CDH12: variants seen among roughly 807,000 people sequenced by gnomAD.
CDH12 encodes the protein cadherin 12, also known as cadherin-12.
In CDH12, 41 loss-of-function variants were observed where a neutral mutation model predicts 74.1. That is an observed-to-expected ratio of 0.55 (90% CI 0.43 to 0.72). The LOEUF (loss-of-function observed/expected upper bound fraction) is 0.72. CDH12 is among the 30% of genes least tolerant of loss of function. The pLI is 0.00. For missense variants in CDH12, 945 were observed against 977.2 expected (o/e 0.97, Z 0.44); for synonymous variants, 399 against 355.0 (o/e 1.12, Z -1.39).
At chr5:22,203,555 T>C (rs1431752405) in intron 4 of CDH12, among the ~76,000 whole-genome samples, 2 of 152,236 alleles carry the variant, frequency 1.3e-5, no homozygotes, top group African/African-American at 4.8e-5. Context: ...GCAATAAATA[T>C]GGGAGTGCAG....
intron 1 of CDH12, among the ~76,000 whole-genome samples, chr5:22,521,282 A>G (rs1737045629): frequency 6.6e-6 from 1 of 151,932 alleles, no homozygotes; most frequent in South Asian, 2.1e-4. Context: ...TTAGTAATAT[A>G]TATGAATTGC....
intron 4 of CDH12, among the ~76,000 whole-genome samples, chr5:22,087,275 A>T (rs940782207): frequency 4.6e-5 from 7 of 152,194 alleles, no homozygotes; most frequent in African/African-American, 7.2e-5. Context: ...GGACTCAGTT[A>T]TGGCTAAAAT....
chr5:21,777,746 C>G (rs1579682484), intron 11 of CDH12, among the ~76,000 whole-genome samples: 2 of 152,154 alleles, frequency 1.3e-5, no homozygotes, highest in African/African-American at 4.8e-5. Flanking sequence ...TTGCCTTGGC[C>G]TCCCAAAGTG....
At chr5:22,815,914 G>A (rs1749373516) in intron 1 of CDH12, among the ~76,000 whole-genome samples, 1 of 151,906 alleles carries the variant, frequency 6.6e-6, no homozygotes, top group Non-Finnish European at 1.5e-5. Context: ...AGCATTAGAA[G>A]AAAAATTAAT....
chr5:22,603,566 G>A (rs1416592755), intron 1 of CDH12, among the ~76,000 whole-genome samples: 1 of 152,152 alleles, frequency 6.6e-6, no homozygotes, highest in Non-Finnish European at 1.5e-5. Context: ...AATGAAAACT[G>A]AGAAACAATA....
intron 1 of CDH12, among the ~76,000 whole-genome samples, chr5:22,528,099 G>A (rs1410879392): frequency 6.6e-6 from 1 of 152,106 alleles, no homozygotes; most frequent in Non-Finnish European, 1.5e-5. Flanking sequence ...TTAGGGCCCT[G>A]TATAGAATTC....
rs368124459 is a variant in CDH12, at chr5:22,716,521, T to C, written c.-523+136537A>G. Among the ~76,000 whole-genome samples, 16 of 152,188 alleles carry C rather than the reference T, an allele frequency of 1.1e-4. No homozygotes were observed. The East Asian group carries it at 2.7e-3, about 26-fold the overall frequency. ...ATACAGTTATGTATAATAATAATAATTCTATCATTGGTTTTTGTATTTATT... is the reference window on the plus strand; with the variant it reads ...ATACAGTTATGTATAATAATAATAACTCTATCATTGGTTTTTGTATTTATT... On this transcript the variant is annotated intron_variant, in intron 1 of 14. Transcript: ENST00000382254.
intron 4 of CDH12, among the ~76,000 whole-genome samples, chr5:22,156,726 A>C (rs1261919768): frequency 1.3e-5 from 2 of 152,182 alleles, no homozygotes; most frequent in African/African-American, 4.8e-5. Flanking sequence ...TTTTAAAATA[A>C]AATTATAACT....
chr5:22,119,948 A>G (rs1745407039), intron 4 of CDH12, among the ~76,000 whole-genome samples: 1 of 152,184 alleles, frequency 6.6e-6, no homozygotes, highest in African/African-American at 2.4e-5. Flanking sequence ...TTTGCATGTG[A>G]ACAAGAAAAC....
intron 3 of CDH12, among the ~76,000 whole-genome samples, chr5:22,330,700 G>A (rs1036483495): frequency 3.5e-5 from 5 of 143,370 alleles, no homozygotes; most frequent in South Asian, 2.2e-4. Context: ...GCAGTGAGCC[G>A]AGATCAGGCC....
At chr5:22,142,975 G>A (rs1746899804) in intron 4 of CDH12, 1 of 227,856 alleles carries the variant, frequency 4.4e-6, no homozygotes, top group South Asian at 8.4e-5. Context: ...GCCAATGGGA[G>A]GAGAAGCCCA....
chr5:22,381,692 T>G (rs1229577640), intron 3 of CDH12, among the ~76,000 whole-genome samples: 3 of 151,998 alleles, frequency 2.0e-5, no homozygotes, highest in Non-Finnish European at 4.4e-5. Flanking sequence ...TTCTTAGTTT[T>G]GGATGCATAA....
intron 1 of CDH12, among the ~76,000 whole-genome samples, chr5:22,711,171 G>C (rs1743268558): frequency 6.6e-6 from 1 of 152,104 alleles, no homozygotes; most frequent in African/African-American, 2.4e-5. Flanking sequence ...AAGGAGATAA[G>C]AGAATAGAAA....
intron 3 of CDH12, among the ~76,000 whole-genome samples, chr5:22,347,444 A>C (rs1294699645): frequency 6.6e-6 from 1 of 152,166 alleles, no homozygotes; most frequent in African/African-American, 2.4e-5. Context: ...GCGGTTTGTC[A>C]GGGGCTTCCA....
Position 22,388,130 on chromosome 5 carries a change from G to T in CDH12, c.-333+17127C>A, listed in dbSNP as rs370398351. 2.6e-5 allele frequency among the ~76,000 whole-genome samples: 4 copies of T among 152,120 alleles called. No homozygotes were observed. The South Asian group carries it at 8.3e-4, about 32-fold the overall frequency. ...GAAAACAAAAACATCGTGAAACTAG[G>T]CAATTTGCTTAATACTTCCTGAAAA... On this transcript the variant is annotated intron_variant, in intron 3 of 14. Coordinates refer to ENST00000382254, the MANE Select transcript of CDH12 (RefSeq NM_004061.5).
At chr5:22,366,824 T>C (rs1366853593) in intron 3 of CDH12, among the ~76,000 whole-genome samples, 2 of 152,196 alleles carry the variant, frequency 1.3e-5, no homozygotes, top group Non-Finnish European at 2.9e-5. Flanking sequence ...TATAACTGAA[T>C]GGAGTACTAA....
chr5:21,827,255 T>A (rs1447679112), intron 8 of CDH12, among the ~76,000 whole-genome samples: 1 of 152,170 alleles, frequency 6.6e-6, no homozygotes, highest in African/African-American at 2.4e-5. Context: ...CTTTTAAAAT[T>A]CAGAAAATTC....
chr5:22,448,135 G>A (rs550964340), intron 2 of CDH12, among the ~76,000 whole-genome samples: 2 of 150,658 alleles, frequency 1.3e-5, no homozygotes, highest in African/African-American at 4.9e-5. Flanking sequence ...TCCAGCCTGG[G>A]CAACAGAGTA....
intron 1 of CDH12, among the ~76,000 whole-genome samples, chr5:22,830,406 C>A (rs949483093): frequency 2.0e-5 from 3 of 151,788 alleles, no homozygotes; most frequent in Non-Finnish European, 4.4e-5. Context: ...TGAATATTAT[C>A]CTGTACTGTG....
Sources: allele counts gnomAD v4.1 joint callset (sites outside exome capture counted in the v4.1 genomes callset), GRCh38; gene constraint gnomAD v4.1.1; transcripts MANE v1.5; gene names NCBI Gene and HGNC (gene_info 2026-07-23, HGNC 2026-07-21).